The following NCKAP5 variants were observed in gnomAD, a reference collection of about 807,000 sequenced individuals.
NCKAP5 encodes NCK associated protein 5, also known as nck-associated protein 5.
In NCKAP5, 92 loss-of-function variants were observed where a neutral mutation model predicts 167.0. The ratio of observed to expected loss-of-function variants is 0.55; its 90% CI spans 0.47 to 0.66. The LOEUF is 0.66. NCKAP5 is among the 30% of genes least tolerant of loss of function. NCKAP5 has a pLI of 0.00. For missense variants in NCKAP5, 2,378 were observed against 2,315.0 expected (o/e 1.03, Z -0.56); for synonymous variants, 891 against 877.4 (o/e 1.02, Z -0.27).
Position 132,913,364 on chromosome 2 carries a change from C to T in NCKAP5, c.580-34448G>A, listed in dbSNP as rs1187410310. On this transcript the variant is annotated intron_variant, in intron 8 of 19. Coordinates refer to ENST00000409261, the MANE Select transcript of NCKAP5 (RefSeq NM_207363.3). Reference sequence around the variant, plus strand: ...CTACAGCCAGATGGAACCTGGGTCACTATACTATTTATTAGCTGTGTGATC... The same window carrying T: ...CTACAGCCAGATGGAACCTGGGTCATTATACTATTTATTAGCTGTGTGATC... 5.3e-5 allele frequency among the ~76,000 whole-genome samples: 8 copies of T among 152,064 alleles called. No homozygotes were observed. In the South Asian group the frequency reaches 1.0e-3, roughly 20 times the overall value.
intron 8 of NCKAP5, among the ~76,000 whole-genome samples, chr2:132,889,289 A>C (rs77418197): frequency 6.6e-6 from 1 of 152,358 alleles, no homozygotes; most frequent in East Asian, 1.9e-4. Context: ...TTGTTATTTT[A>C]AGCCTCAAAG....
intron 4 of NCKAP5, among the ~76,000 whole-genome samples, chr2:133,276,786 T>C (rs1482200494): frequency 6.6e-6 from 1 of 151,898 alleles, no homozygotes; most frequent in Non-Finnish European, 1.5e-5. Flanking sequence ...ACTGCAAAAA[T>C]AGTGAATAAA....
At chr2:133,199,709 C>T (rs1038537166) in intron 5 of NCKAP5, among the ~76,000 whole-genome samples, 8 of 151,884 alleles carry the variant, frequency 5.3e-5, no homozygotes, top group African/African-American at 1.9e-4. Flanking sequence ...AATTTCACTC[C>T]TAGGTATTTA....
intron 3 of NCKAP5, among the ~76,000 whole-genome samples, chr2:133,360,967 G>A (rs1389898044): frequency 1.3e-5 from 2 of 151,172 alleles, no homozygotes; most frequent in Non-Finnish European, 2.9e-5. Flanking sequence ...CTAGCATATA[G>A]GGAAGACTCA....
intron 6 of NCKAP5, among the ~76,000 whole-genome samples, chr2:133,037,645 A>G (rs182982695): frequency 5.5e-4 from 84 of 152,302 alleles, no homozygotes; most frequent in Non-Finnish European, 8.5e-4. Context: ...ACAGAAGTCA[A>G]ATCAAAATGG....
intron 19 of NCKAP5, among the ~76,000 whole-genome samples, chr2:132,696,031 G>A (rs1323812591): frequency 2.0e-5 from 3 of 151,926 alleles, no homozygotes; most frequent in African/African-American, 7.3e-5. Flanking sequence ...ATAAATCCTG[G>A]GTTGTTTTAA....
At chr2:132,769,126 T>A (rs1681797631) in intron 16 of NCKAP5, among the ~76,000 whole-genome samples, 1 of 151,784 alleles carries the variant, frequency 6.6e-6, no homozygotes, top group Non-Finnish European at 1.5e-5. Context: ...TTAAAAATTT[T>A]TAGTGGAGAT....
chr2:132,723,541 T>C (rs1690160911), intron 19 of NCKAP5, among the ~76,000 whole-genome samples: 2 of 152,184 alleles, frequency 1.3e-5, no homozygotes, highest in African/African-American at 4.8e-5. Context: ...TGACTATATT[T>C]ACATTAAAAT....
At chr2:133,285,452 T>G (rs13399345) in intron 4 of NCKAP5, among the ~76,000 whole-genome samples, 23,070 of 151,712 alleles carry the variant, frequency 0.15, 1,753 homozygotes, top group African/African-American at 0.17. Flanking sequence ...TATAATGGTT[T>G]AGCAATGAGC....
intron 8 of NCKAP5, 46 bp downstream of exon 8, chr2:132,963,674 T>C (rs2149206208): frequency 1.3e-6 from 2 of 1,588,164 alleles, no homozygotes; most frequent in Non-Finnish European, 8.6e-7. Flanking sequence ...AGAAGCAGAA[T>C]ACTGTTATTT....
chr2:132,776,386 G>A (rs1682547867), intron 15 of NCKAP5, among the ~76,000 whole-genome samples: 1 of 152,166 alleles, frequency 6.6e-6, no homozygotes, highest in Non-Finnish European at 1.5e-5. Flanking sequence ...AAAAGCGACT[G>A]CACAGTCCTA....
chr2:133,074,229 G>A (rs2080517456), intron 6 of NCKAP5, among the ~76,000 whole-genome samples: 1 of 152,084 alleles, frequency 6.6e-6, no homozygotes, highest in Non-Finnish European at 1.5e-5. Flanking sequence ...CTGAGATGAT[G>A]CAGATGTTAG....
At chr2:132,796,564 T>C in intron 12 of NCKAP5, 64 bp downstream of exon 12, 1 of 1,141,916 alleles carries the variant, frequency 8.8e-7, no homozygotes, top group Non-Finnish European at 1.3e-6. Flanking sequence ...GCTTGTGACA[T>C]CATATTTGAT....
chr2:133,026,366 A>C (rs1398738089), intron 6 of NCKAP5, among the ~76,000 whole-genome samples: 1 of 139,978 alleles, frequency 7.1e-6, no homozygotes, highest in African/African-American at 2.6e-5. Context: ...AGTCAACTAA[A>C]TCTGTTCTAG....
chr2:132,882,000 A>G (rs572816528), intron 8 of NCKAP5, among the ~76,000 whole-genome samples: 1 of 152,292 alleles, frequency 6.6e-6, no homozygotes, highest in South Asian at 2.1e-4. Context: ...TCCATAGGTA[A>G]GTGATTTTCC....
intron 6 of NCKAP5, among the ~76,000 whole-genome samples, chr2:133,033,480 A>G (rs985775121): frequency 5.9e-5 from 9 of 152,150 alleles, no homozygotes; most frequent in African/African-American, 2.2e-4. Context: ...GATCAACACC[A>G]CCCAGGAAAG....
intron 3 of NCKAP5, among the ~76,000 whole-genome samples, chr2:133,325,506 C>T (rs1467165745): frequency 2.0e-5 from 3 of 152,166 alleles, no homozygotes; most frequent in Non-Finnish European, 4.4e-5. Flanking sequence ...CCTAGCCTTC[C>T]CTAAGCTCTT....
At chr2:133,116,945 T>G (rs1038128138) in intron 6 of NCKAP5, 3 of 152,238 alleles carry the variant, frequency 2.0e-5, no homozygotes, top group African/African-American at 7.2e-5. Flanking sequence ...ATTAGCTCAC[T>G]TGTTCTTTTG....
chr2:133,223,292 C>T (rs1197395976), intron 4 of NCKAP5, among the ~76,000 whole-genome samples: 1 of 152,126 alleles, frequency 6.6e-6, no homozygotes, highest in East Asian at 1.9e-4. Flanking sequence ...TTCCCCATTT[C>T]TGGTGGATCC....
Sources: gnomAD v4.1 joint callset for allele counts (sites outside exome capture counted in the v4.1 genomes callset) on GRCh38, gnomAD v4.1.1 for gene constraint, MANE v1.5 for transcripts, NCBI Gene and HGNC (gene_info 2026-07-23, HGNC 2026-07-21) for gene names.